Variants in TLN2 observed in about 807,000 individuals in gnomAD.
The protein encoded by TLN2 is talin-2.
Under a neutral mutation model 294.7 loss-of-function variants are expected in TLN2, and 118 were observed. The observed-to-expected ratio is 0.40, with a 90% CI of 0.34 to 0.47. The LOEUF is 0.47. TLN2 is among the 20% of genes least tolerant of loss of function. The pLI, the probability that TLN2 is intolerant of heterozygous loss-of-function variation, is 0.84. For missense variants in TLN2, 3,083 were observed against 3,282.2 expected (o/e 0.94, Z 1.48); for synonymous variants, 1,431 against 1,304.5 (o/e 1.10, Z -2.09).
At chr15:62,602,231 A>G (rs1402289991) in intron 2 of TLN2, among the ~76,000 whole-genome samples, 1 of 152,172 alleles carries the variant, frequency 6.6e-6, no homozygotes, top group Non-Finnish European at 1.5e-5. Context: ...AGTTTCATCA[A>G]TTATATACTC....
intron 1 of TLN2, among the ~76,000 whole-genome samples, chr15:62,428,246 A>G (rs1419936345): frequency 6.6e-6 from 1 of 152,214 alleles, no homozygotes; most frequent in African/African-American, 2.4e-5. Context: ...GGGAAGAGGG[A>G]TGGAGTCGTG....
intron 18 of TLN2, 42 bp downstream of exon 18, chr15:62,702,242 C>G: frequency 6.5e-7 from 1 of 1,531,436 alleles, no homozygotes; most frequent in Non-Finnish European, 8.8e-7. Flanking sequence ...TCTGATGGGA[C>G]AGCTGCATCC....
In TLN2 at chr15:62,675,207, A is replaced by G; in HGVS notation, c.853-10A>G. 6.2e-7 allele frequency: 1 copy of G among 1,613,950 alleles called. No individual in the cohort carries two copies. The highest frequency in any genetic ancestry group is 8.5e-7 in the Non-Finnish European group (1 of 1,179,812). ...GCAATAACTGGTCCCGACCACTGTC[A>G]CTTTTGCAGGAGCATAAGAACTGCG... On this transcript the variant is annotated splice_polypyrimidine_tract_variant and intron_variant, in intron 10 of 58. Coordinates refer to ENST00000636159, the MANE Select transcript of TLN2 (RefSeq NM_015059.3).
chr15:62,603,923 A>T (rs557510057), intron 2 of TLN2, among the ~76,000 whole-genome samples: 3 of 152,316 alleles, frequency 2.0e-5, no homozygotes, highest in African/African-American at 4.8e-5. Flanking sequence ...CTCAACTACA[A>T]ATATTTGAGG....
chr15:62,455,564 T>C (rs1048632298), intron 1 of TLN2, among the ~76,000 whole-genome samples: 1 of 152,162 alleles, frequency 6.6e-6, no homozygotes, highest in African/African-American at 2.4e-5. Flanking sequence ...AAGAGTAACC[T>C]ACACCTCGTT....
intron 52 of TLN2, among the ~76,000 whole-genome samples, chr15:62,815,592 C>A (rs920473557): frequency 2.6e-4 from 39 of 152,148 alleles, no homozygotes; most frequent in Admixed American, 1.3e-4. Flanking sequence ...CAGTGAGCTG[C>A]TTTTCTTAAA....
intron 1 of TLN2, among the ~76,000 whole-genome samples, chr15:62,456,551 GGGTAGACTTA>G (rs1263409426): frequency 6.6e-6 from 1 of 152,190 alleles, no homozygotes; most frequent in Non-Finnish European, 1.5e-5. Flanking sequence ...AATTCACATT[GGGTAGACTTA>G]GGTAGTATTT....
At chr15:62,526,190 C>A (rs567576310) in intron 1 of TLN2, among the ~76,000 whole-genome samples, 1 of 152,082 alleles carries the variant, frequency 6.6e-6, no homozygotes, top group African/African-American at 2.4e-5. Context: ...AGTGAAGTGG[C>A]GCAATCTCGG....
intron 54 of TLN2, among the ~76,000 whole-genome samples, chr15:62,825,739 T>TATTATA (rs2068001732): frequency 8.9e-6 from 1 of 112,894 alleles, no homozygotes; most frequent in African/African-American, 4.3e-5. Context: ...AATATATTTT[T>TATTATA]ATATATATTA....
chr15:62,644,738 TCTG>T (rs1160089206), intron 3 of TLN2: 15 of 370,956 alleles, frequency 4.0e-5, no homozygotes, highest in Non-Finnish European at 7.9e-5. Context: ...CTGTGTGTCT[TCTG>T]CTTCCTTCTG....
chr15:62,462,869 G>C (rs1045281265), intron 1 of TLN2, among the ~76,000 whole-genome samples: 1 of 152,126 alleles, frequency 6.6e-6, no homozygotes, highest in Non-Finnish European at 1.5e-5. Context: ...CCCTTGTTAG[G>C]AAATTGTCTG....
intron 1 of TLN2, among the ~76,000 whole-genome samples, chr15:62,578,286 A>G (rs2044604935): frequency 6.6e-6 from 1 of 152,154 alleles, no homozygotes; most frequent in Non-Finnish European, 1.5e-5. Flanking sequence ...GTTTAATACC[A>G]TTGTGCATGG....
rs1056008456 is a variant in TLN2, at chr15:62,765,785, A to G, written c.5095-536A>G. Among the ~76,000 whole-genome samples, 6 of 152,350 alleles carry G rather than the reference A, an allele frequency of 3.9e-5. No homozygotes were observed. In the East Asian group the frequency reaches 9.6e-4, roughly 24 times the overall value. ...TGAGGGCACCGTGTTTAATATTTGC[A>G]TGCACACTACCAAACACAGTGGACT... On this transcript the variant is annotated intron_variant, in intron 40 of 58. Coordinates refer to ENST00000636159, the MANE Select transcript of TLN2 (RefSeq NM_015059.3).
chr15:62,427,026 G>T (rs2034755189), intron 1 of TLN2, among the ~76,000 whole-genome samples: 1 of 152,176 alleles, frequency 6.6e-6, no homozygotes, highest in Non-Finnish European at 1.5e-5. Context: ...GACAGAAGGG[G>T]CTGGCTCAGT....
intron 14 of TLN2, among the ~76,000 whole-genome samples, chr15:62,696,991 G>T (rs1234704730): frequency 6.6e-6 from 1 of 152,128 alleles, no homozygotes; most frequent in African/African-American, 2.4e-5. Flanking sequence ...CTGGCACAAG[G>T]TTGATACTTG....
intron 1 of TLN2, among the ~76,000 whole-genome samples, chr15:62,436,105 G>T (rs2456468): frequency 0.52 from 78,859 of 151,588 alleles, 22,447 homozygotes; most frequent in East Asian, 0.76. Context: ...ATTGCTTTCT[G>T]CATCACAGAT....
At chr15:62,756,184 GAT>G (rs2062238566) in intron 37 of TLN2, among the ~76,000 whole-genome samples, 1 of 152,202 alleles carries the variant, frequency 6.6e-6, no homozygotes, top group Non-Finnish European at 1.5e-5. Flanking sequence ...TCATTCCTGT[GAT>G]ATTAATTCTG....
At position 62,392,120 on chromosome 15, in the gene TLN2, G is replaced by A. The variant is rs375202275; in HGVS notation, c.-238+1435G>A. ...AGCGGCGACAGCAGTAGCGCCCGCG[G>A]CTGCGTGTTCTGCTCTCGCAGCTCG... On this transcript the variant is annotated intron_variant, in intron 1 of 58. Coordinates refer to ENST00000636159, the MANE Select transcript of TLN2 (RefSeq NM_015059.3). Among the ~76,000 whole-genome samples, 21 of 152,392 alleles carry A rather than the reference G, an allele frequency of 1.4e-4. No homozygotes were observed. In the South Asian group the frequency reaches 3.5e-3, roughly 26 times the overall value.
intron 11 of TLN2, among the ~76,000 whole-genome samples, chr15:62,675,652 C>T (rs1185945920): frequency 1.3e-5 from 2 of 152,140 alleles, no homozygotes; most frequent in East Asian, 3.9e-4. Context: ...GTCAAGAGTC[C>T]TGTGGACTAA....
Sources: gnomAD v4.1 joint callset for allele counts (sites outside exome capture counted in the v4.1 genomes callset) on GRCh38, gnomAD v4.1.1 for gene constraint, MANE v1.5 for transcripts, NCBI Gene and HGNC (gene_info 2026-07-23, HGNC 2026-07-21) for gene names.